Variants in TLX3 observed in about 807,000 individuals in gnomAD.
TLX3 encodes the protein T-cell leukemia homeobox protein 3.
In TLX3, 11 loss-of-function variants were observed where a neutral mutation model predicts 19.6. The ratio of observed to expected loss-of-function variants is 0.56; its 90% CI spans 0.35 to 0.93. TLX3 has a LOEUF of 0.93. TLX3 is among the 40% of genes least tolerant of loss of function. The pLI is 0.01. For synonymous variants in TLX3, 221 were observed against 188.1 expected (o/e 1.17, Z -1.43); for missense variants, 375 against 418.6 (o/e 0.90, Z 0.91).
intron 1 of TLX3, 44 bp downstream of exon 1, chr5:171,309,830 G>A (rs1312214611): frequency 6.6e-7 from 1 of 1,511,584 alleles, no homozygotes; most frequent in Non-Finnish European, 8.8e-7. Context: ...CGCCCTCTCG[G>A]GGCCAGAGGC....
Position 171,309,559 on chromosome 5 carries a change from G to T in TLX3, c.194G>T (p.Gly65Val), listed in dbSNP as rs953626168. Reference sequence around the variant, plus strand: ...CCGTCTCTGCCCGCCTCCTTTGCGGGCCTCGGCGCGCCCTTCGAGGACGCG... The same window carrying T: ...CCGTCTCTGCCCGCCTCCTTTGCGGTCCTCGGCGCGCCCTTCGAGGACGCG... ...TYPSLPASFA[G>V]LGAPFEDAGS... Residue 65 changes from glycine to valine, a missense_variant, in exon 1 of 3, where the codon GGC (glycine) becomes GTC (valine). This residue lies in a region of TLX3 where 239 missense variants were observed against 217.0 expected (regional missense o/e 1.10). Coordinates refer to ENST00000296921, the MANE Select transcript of TLX3 (RefSeq NM_021025.4). 6.3e-7 allele frequency: 1 copy of T among 1,581,770 alleles called. No homozygotes were observed.
Position 171,309,393 on chromosome 5 carries a change from C to T in TLX3, c.28C>T (p.Pro10Ser). MEAPASAQTPHPHEPISFGI... is the reference protein window; with the variant it reads MEAPASAQTSHPHEPISFGI... ...GGAGGCGCCCGCCAGCGCGCAGACC[C>T]CGCACCCGCACGAGCCCATCAGCTT... The change falls in exon 1 of 3, where the codon CCG becomes TCG. Residue 10 changes from proline (P) to serine (S), a missense_variant. Physicochemically the swap from Pro to Ser is moderately conservative, Grantham distance 74. Around this residue, in one of 3 missense-constraint regions of TLX3, gnomAD observed 239 missense variants for 217.0 expected, o/e 1.10. Coordinates refer to ENST00000296921, the MANE Select transcript of TLX3 (RefSeq NM_021025.4). The T allele has an allele frequency of 6.2e-7, 1 of 1,604,260 alleles. No homozygotes were observed. Among genetic ancestry groups the T allele is most frequent in the Non-Finnish European group, 8.5e-7 (1 of 1,176,626 alleles).
chr5:171,310,510 T>G, intron 2 of TLX3, 117 bp downstream of exon 2: 2 of 1,169,218 alleles, frequency 1.7e-6, no homozygotes, highest in South Asian at 1.6e-5. Flanking sequence ...CCCCTCTGCC[T>G]CCCCCAAACA....
Position 171,309,425 on chromosome 5 carries a change from C to A in TLX3, c.60C>A (p.Ile20=). 4 of 1,604,134 alleles carry A rather than the reference C, an allele frequency of 2.5e-6. No individual in the cohort carries two copies. Among genetic ancestry groups the A allele is most frequent in the Non-Finnish European group, 3.4e-6 (4 of 1,175,562 alleles). ...PHPHEPISFG[I]DQILNSPDQD... is the part of the protein sequence containing the mutation. ...CGCACGAGCCCATCAGCTTCGGCATCGACCAGATCCTTAACAGCCCGGACC... is the reference window on the plus strand; with the variant it reads ...CGCACGAGCCCATCAGCTTCGGCATAGACCAGATCCTTAACAGCCCGGACC... Residue 20 remains isoleucine (I), a synonymous_variant, in exon 1 of 3, where the codon ATC becomes ATA. Coordinates refer to ENST00000296921, the MANE Select transcript of TLX3 (RefSeq NM_021025.4).
intron 2 of TLX3, among the ~76,000 whole-genome samples, chr5:171,310,839 C>A (rs947128103): frequency 2.0e-5 from 3 of 151,848 alleles, no homozygotes; most frequent in Admixed American, 6.6e-5. Flanking sequence ...TCGTGGACGC[C>A]GGTTTCCTCT....
chr5:171,310,102 G>A, intron 1 of TLX3, 48 bp from the exon 2 acceptor site: 1 of 1,531,032 alleles, frequency 6.5e-7, no homozygotes, highest in Non-Finnish European at 8.8e-7. Flanking sequence ...GGGCCTGAAC[G>A]GTGGCGGAGC....
At position 171,311,327 on chromosome 5, in the gene TLX3, C is replaced by G; in HGVS notation, c.666-62C>G. 1 of 1,470,010 alleles carries G rather than the reference C, an allele frequency of 6.8e-7. No individual in the cohort carries two copies. The highest frequency in any genetic ancestry group is 9.1e-7 in the Non-Finnish European group (1 of 1,100,646). The allele number at this position is 1,470,010 out of a possible 1,614,324, so 91.1% of individuals were successfully genotyped here. ...TCGGCTCCCGGGAGGGCCGGGGCCC[C>G]GCCGGCGGCCCCGCGGTGCCGGGTG... On this transcript the variant is annotated intron_variant, in intron 2 of 2. Transcript: ENST00000296921. The surrounding 1 kb of genome is among the most constrained non-coding windows in gnomAD (Gnocchi z 5.1).
chr5:171,309,913 G>C, intron 1 of TLX3, 127 bp downstream of exon 1: 4 of 1,339,682 alleles, frequency 3.0e-6, no homozygotes, highest in East Asian at 2.6e-5. Context: ...CGGCCCCAGG[G>C]CCCCGGGCAG....
Position 171,311,321 on chromosome 5 carries a change from G to C in TLX3, c.666-68G>C. ...ATGGCCTCGGCTCCCGGGAGGGCCGGGGCCCCGCCGGCGGCCCCGCGGTGC... is the reference window on the plus strand; with the variant it reads ...ATGGCCTCGGCTCCCGGGAGGGCCGCGGCCCCGCCGGCGGCCCCGCGGTGC... On this transcript the variant is annotated intron_variant, in intron 2 of 2. Coordinates refer to ENST00000296921, the MANE Select transcript of TLX3 (RefSeq NM_021025.4). This position sits in a 1 kb window ranked among gnomAD's most constrained non-coding sequence, Gnocchi z 5.1. 1 of 1,443,528 alleles carries C rather than the reference G, an allele frequency of 6.9e-7. No individual in the cohort carries two copies. The highest frequency in any genetic ancestry group is 9.3e-7 in the Non-Finnish European group (1 of 1,078,536). 89.4% of individuals were successfully genotyped at this position (1,443,528 alleles called of 1,614,324 possible).
chr5:171,309,893 G>A, intron 1 of TLX3, 107 bp downstream of exon 1: 1 of 1,403,298 alleles, frequency 7.1e-7, no homozygotes, highest in Non-Finnish European at 9.4e-7. Context: ...CCCAAGCGCG[G>A]CGGAGGCCTC....
chr5:171,310,039 C>G (rs1769194936), intron 1 of TLX3, 111 bp from the exon 2 acceptor site: 2 of 1,437,882 alleles, frequency 1.4e-6, no homozygotes, highest in Non-Finnish European at 1.8e-6. Flanking sequence ...CGCGCGCGAC[C>G]AGCGAAATAG....
chr5:171,309,346 A>AAACCCC lies in TLX3; in HGVS notation c.-20_-19insAACCCC. ...GCCGCCTCCCCGCCCAGCCCAGCCC[A>AAACCCC]GCCCTTCCGCCCGCCCAGGATGGAG... On this transcript the variant is annotated 5_prime_UTR_variant, in exon 1 of 3. Coordinates refer to ENST00000296921, the MANE Select transcript of TLX3 (RefSeq NM_021025.4). The AAACCCC allele has an allele frequency of 7.8e-6, 4 of 511,134 alleles. No individual in the cohort carries two copies. The highest frequency in any genetic ancestry group is 1.3e-5 in the Non-Finnish European group (4 of 318,480). The allele number at this position is 511,134 out of a possible 1,614,324, so 31.7% of individuals were successfully genotyped here.
intron 1 of TLX3, 113 bp downstream of exon 1, chr5:171,309,899 GCCTCGGC>G: frequency 1.4e-6 from 2 of 1,387,824 alleles, no homozygotes; most frequent in Non-Finnish European, 1.9e-6. Context: ...CGCGGCGGAG[GCCTCGGC>G]CCCAGGGCCC....
At position 171,311,297 on chromosome 5, in the gene TLX3, TG is replaced by T; in HGVS notation, c.666-90del. On this transcript the variant is annotated intron_variant, in intron 2 of 2. Coordinates refer to ENST00000296921, the MANE Select transcript of TLX3 (RefSeq NM_021025.4). This position sits in a 1 kb window ranked among gnomAD's most constrained non-coding sequence, Gnocchi z 5.1. ...GGTTCTGCGCCTCGAGGCTCCCGGA[TG>T]GCCTCGGCTCCCGGGAGGGCCGGGG... 1 of 1,149,270 alleles carries T rather than the reference TG, an allele frequency of 8.7e-7. No homozygotes were observed. The highest frequency in any genetic ancestry group is 1.6e-5 in the African/African-American group (1 of 63,068). 71.2% of individuals were successfully genotyped at this position (1,149,270 alleles called of 1,614,324 possible).
Position 171,310,323 on chromosome 5 carries a change from C to T in TLX3, c.595C>T (p.Leu199Phe). ...CCTGGCCTCTGCCGAGAGGGCGGCG[C>T]TCGCCAAGTCCCTCAAAATGACGGA... Reference protein sequence around the residue: ...KYLASAERAALAKSLKMTDAQ... With the variant: ...KYLASAERAAFAKSLKMTDAQ... The change falls in exon 2 of 3, where the codon CTC (leucine) becomes TTC (phenylalanine). Residue 199 changes from leucine (L) to phenylalanine (F), a missense_variant. By Grantham distance (22) the Leu-to-Phe change is conservative. Around this residue, in one of 3 missense-constraint regions of TLX3, gnomAD observed 74 missense variants for 138.6 expected, o/e 0.53. Transcript: ENST00000296921. 2 of 1,610,682 alleles carry T rather than the reference C, an allele frequency of 1.2e-6. No individual in the cohort carries two copies. Among genetic ancestry groups the T allele is most frequent in the Non-Finnish European group, 1.7e-6 (2 of 1,178,562 alleles).
At chr5:171,310,506 T>A in intron 2 of TLX3, 113 bp downstream of exon 2, 1 of 1,215,356 alleles carries the variant, frequency 8.2e-7, no homozygotes, top group Non-Finnish European at 1.1e-6. Context: ...CGCCCCCCTC[T>A]GCCTCCCCCA....
In TLX3 at chr5:171,309,582, G is replaced by A. The variant is rs867830848; in HGVS notation, c.217G>A (p.Ala73Thr). 2.5e-6 allele frequency: 4 copies of A among 1,599,576 alleles called. No individual in the cohort carries two copies. The highest frequency in any genetic ancestry group is 1.7e-5 in the Admixed American group (1 of 58,522). ...GGGCCTCGGCGCGCCCTTCGAGGAC[G>A]CGGGATCTTACAGTGTGAACCTGAG... ...FAGLGAPFED[A>T]GSYSVNLSLA... The change falls in exon 1 of 3, where the codon GCG (alanine) becomes ACG (threonine). Residue 73 changes from alanine to threonine, a missense_variant. Coordinates refer to ENST00000296921, the MANE Select transcript of TLX3 (RefSeq NM_021025.4).
intron 2 of TLX3, 134 bp downstream of exon 2, chr5:171,310,527 C>CA: frequency 8.8e-7 from 1 of 1,140,854 alleles, no homozygotes; most frequent in East Asian, 2.6e-5. Flanking sequence ...AACACACCCC[C>CA]ACCCCGCCTT....
At position 171,311,342 on chromosome 5, in the gene TLX3, G is replaced by A. The variant is rs1474922294; in HGVS notation, c.666-47G>A. 1.0e-5 allele frequency: 15 copies of A among 1,505,066 alleles called. No homozygotes were observed. Among genetic ancestry groups the A allele is most frequent in the African/African-American group, 1.4e-5 (1 of 70,118 alleles). 93.2% of individuals were successfully genotyped at this position (1,505,066 alleles called of 1,614,324 possible). ...GCCGGGGCCCCGCCGGCGGCCCCGC[G>A]GTGCCGGGTGCATGACGGTACTGTC... On this transcript the variant is annotated intron_variant, in intron 2 of 2. Coordinates refer to ENST00000296921, the MANE Select transcript of TLX3 (RefSeq NM_021025.4). This position sits in a 1 kb window ranked among gnomAD's most constrained non-coding sequence, Gnocchi z 5.1.
Sources: allele counts gnomAD v4.1 joint callset (sites outside exome capture counted in the v4.1 genomes callset), GRCh38; gene constraint gnomAD v4.1.1; regional missense constraint gnomAD v4.1.1; non-coding constraint Gnocchi (gnomAD v3.1); transcripts MANE v1.5; gene names NCBI Gene and HGNC (gene_info 2026-07-23, HGNC 2026-07-21).